The following UPRT variants were observed in gnomAD, a reference collection of about 807,000 sequenced individuals.
UPRT encodes uracil phosphoribosyltransferase homolog.
Under a neutral mutation model 22.6 loss-of-function variants are expected in UPRT, and 5 were observed. The ratio of observed to expected loss-of-function variants is 0.22; its 90% CI spans 0.12 to 0.47. The LOEUF (loss-of-function observed/expected upper bound fraction) is 0.47, where lower values mean the gene tolerates loss of function less well. Ranked by LOEUF, UPRT falls within the 20% of genes least tolerant of loss-of-function variation. The pLI is 0.99. For synonymous variants in UPRT, 77 were observed against 87.7 expected (o/e 0.88, Z 0.68); for missense variants, 181 against 239.9 (o/e 0.75, Z 1.62).
chrX:75,295,467 A>G (rs1277248670), intron 2 of UPRT, among the ~76,000 whole-genome samples: 1 of 112,112 alleles, frequency 8.9e-6, no homozygotes, highest in East Asian at 2.8e-4. Flanking sequence ...TGCAGTATTC[A>G]TGAGGTGCCT....
Position 75,274,539 on chromosome X carries a change from C to G in UPRT, c.285C>G (p.Ser95=), listed in dbSNP as rs1477904098. The G allele has an allele frequency of 5.8e-6, 7 of 1,209,960 alleles. No individual in the cohort carries two copies. Among genetic ancestry groups the G allele is most frequent in the Non-Finnish European group, 7.8e-6 (7 of 895,215 alleles). Reference sequence around the variant, plus strand: ...GCTATGACGCACCAGCTGGCAACTCCTTCCTAGAGGACTGCGAACTCTCCC... The same window carrying G: ...GCTATGACGCACCAGCTGGCAACTCGTTCCTAGAGGACTGCGAACTCTCCC... ...SSSYDAPAGN[S]FLEDCELSRQ... The change falls in exon 1 of 7, where the codon TCC becomes TCG. Residue 95 remains serine, a synonymous_variant. Transcript: ENST00000373383.
At chrX:75,235,239 A>G (rs993877726) in intron 4 of UPRT, among the ~76,000 whole-genome samples, 1 of 111,927 alleles carries the variant, frequency 8.9e-6, no homozygotes, top group African/African-American at 3.3e-5. Flanking sequence ...TAAACCAGGA[A>G]GAAGTTGAAT....
chrX:75,190,404 C>T (rs2082310912), intron 4 of UPRT, among the ~76,000 whole-genome samples: 1 of 111,816 alleles, frequency 8.9e-6, no homozygotes, highest in African/African-American at 3.3e-5. Flanking sequence ...TCTGGCTGCC[C>T]TTAACATTTT....
intron 4 of UPRT, among the ~76,000 whole-genome samples, chrX:75,219,465 T>C (rs2082403568): frequency 8.9e-6 from 1 of 112,210 alleles, no homozygotes; most frequent in Admixed American, 9.5e-5. Context: ...AACAGAGAGA[T>C]AATAAGTGGG....
chrX:75,187,383 G>A (rs1039067980), intron 4 of UPRT, among the ~76,000 whole-genome samples: 4 of 111,605 alleles, frequency 3.6e-5, no homozygotes, highest in Non-Finnish European at 5.6e-5. Flanking sequence ...AGTTTCTGCC[G>A]AGAGATCCGC....
At chrX:75,235,599 A>G (rs2147647047) in intron 4 of UPRT, among the ~76,000 whole-genome samples, 1 of 111,858 alleles carries the variant, frequency 8.9e-6, no homozygotes, top group African/African-American at 3.2e-5. Flanking sequence ...CTTATCCACC[A>G]TGATCAAGTG....
intron 4 of UPRT, among the ~76,000 whole-genome samples, chrX:75,189,402 C>G (rs768416491): frequency 2.7e-5 from 3 of 111,836 alleles, no homozygotes; most frequent in Non-Finnish European, 5.6e-5. Context: ...TTACTTCCAA[C>G]TATGTGGTCA....
At chrX:75,266,144 C>G (rs182515532) in intron 4 of UPRT, among the ~76,000 whole-genome samples, 1 of 111,244 alleles carries the variant, frequency 9.0e-6, no homozygotes, top group African/African-American at 3.3e-5. Context: ...CAATCCTAAT[C>G]CAAAACAACA....
chrX:75,265,699 C>A (rs988022957), intron 4 of UPRT, among the ~76,000 whole-genome samples: 1 of 111,995 alleles, frequency 8.9e-6, no homozygotes, highest in East Asian at 2.8e-4. Flanking sequence ...CATTCTCTGT[C>A]CAGCTTTGTT....
chrX:75,168,134 C>T (rs1393215557), intron 4 of UPRT, among the ~76,000 whole-genome samples: 1 of 112,080 alleles, frequency 8.9e-6, no homozygotes, highest in Non-Finnish European at 1.9e-5. Flanking sequence ...TCCCATCGCA[C>T]TTTTTCTAAA....
chrX:75,252,166 T>A (rs1376038512), intron 4 of UPRT, among the ~76,000 whole-genome samples: 4 of 111,907 alleles, frequency 3.6e-5, no homozygotes, highest in Non-Finnish European at 7.5e-5. Flanking sequence ...GGACTTCATG[T>A]CTATAACACC....
intron 4 of UPRT, among the ~76,000 whole-genome samples, chrX:75,205,326 C>T (rs1273701133): frequency 1.1e-5 from 1 of 92,996 alleles, no homozygotes; most frequent in African/African-American, 3.9e-5. Flanking sequence ...GCCGAGATTG[C>T]GCCACTGCAG....
chrX:75,199,071 G>A (rs1292840431), intron 4 of UPRT, among the ~76,000 whole-genome samples: 3 of 111,793 alleles, frequency 2.7e-5, no homozygotes, highest in Non-Finnish European at 5.6e-5. Context: ...AAAGTGCTCT[G>A]GGGCTCTAAA....
intron 4 of UPRT, among the ~76,000 whole-genome samples, chrX:75,176,975 T>C (rs1052591925): frequency 9.0e-6 from 1 of 111,171 alleles, no homozygotes; most frequent in African/African-American, 3.3e-5. Context: ...GGTTTGTGGG[T>C]CAAATTGGTC....
chrX:75,299,927 G>T (rs772401368), intron 5 of UPRT, 31 bp downstream of exon 5: 1 of 1,195,140 alleles, frequency 8.4e-7, no homozygotes, highest in Admixed American at 2.2e-5. Flanking sequence ...TGTAACCTTT[G>T]GTTAGGGTTT....
chrX:75,184,488 G>T (rs1176607965), intron 4 of UPRT, among the ~76,000 whole-genome samples: 1 of 105,281 alleles, frequency 9.5e-6, no homozygotes, highest in Non-Finnish European at 2.0e-5. Context: ...TTTGGCTTAG[G>T]ATTGACTTGG....
chrX:75,247,256 G>A (rs964307285), intron 4 of UPRT, among the ~76,000 whole-genome samples: 16 of 111,433 alleles, frequency 1.4e-4, no homozygotes, highest in Non-Finnish European at 2.5e-4. Flanking sequence ...GCAGCACACC[G>A]TGTGTGGGCT....
At chrX:75,182,402 A>C (rs1240251790) in intron 4 of UPRT, among the ~76,000 whole-genome samples, 3 of 111,786 alleles carry the variant, frequency 2.7e-5, no homozygotes, top group Non-Finnish European at 5.6e-5. Flanking sequence ...CTTTTTCCTC[A>C]ATTCTTTGGA....
chrX:75,207,122 A>C (rs1361315362), intron 4 of UPRT, among the ~76,000 whole-genome samples: 1 of 112,139 alleles, frequency 8.9e-6, no homozygotes, highest in Non-Finnish European at 1.9e-5. Context: ...TGAGTTTGCC[A>C]TTTTCTATGG....
Sources: allele counts gnomAD v4.1 joint callset (sites outside exome capture counted in the v4.1 genomes callset), GRCh38; gene constraint gnomAD v4.1.1; transcripts MANE v1.5; gene names NCBI Gene and HGNC (gene_info 2026-07-23, HGNC 2026-07-21).